Variants in IGSF11 observed in about 807,000 individuals in gnomAD.
IGSF11 encodes the protein CXADR like 1.
IGSF11 carries 22 observed loss-of-function variants against 41.0 expected under a neutral mutation model. The ratio of observed to expected loss-of-function variants is 0.54; its 90% CI spans 0.38 to 0.77. The LOEUF (loss-of-function observed/expected upper bound fraction) is 0.77, where lower values mean the gene tolerates loss of function less well. IGSF11 is among the 30% of genes least tolerant of loss of function. IGSF11 has a pLI of 0.00. For missense variants in IGSF11, 444 were observed against 530.8 expected (o/e 0.84, Z 1.61); for synonymous variants, 219 against 201.3 (o/e 1.09, Z -0.74).
At chr3:119,105,323 T>A, upstream of IGSF11, 2 of 603,286 alleles carry the variant, frequency 3.3e-6, no homozygotes, top group South Asian at 2.3e-5. Flanking sequence ...GTACAGGATT[T>A]GGAGCCATAA....
intron 1 of IGSF11, among the ~76,000 whole-genome samples, chr3:119,129,470 A>G (rs1208439961): frequency 1.3e-5 from 2 of 152,174 alleles, no homozygotes; most frequent in East Asian, 1.9e-4. Context: ...CCATTTGAAA[A>G]TAATAATTTT....
At chr3:119,084,537 C>A (rs1559858369) in intron 1 of IGSF11, among the ~76,000 whole-genome samples, 1 of 152,146 alleles carries the variant, frequency 6.6e-6, no homozygotes, top group Admixed American at 6.5e-5. Flanking sequence ...AAGCACCCAC[C>A]CCCACTGCAG....
At chr3:119,096,634 C>T (rs1315395495) in intron 1 of IGSF11, among the ~76,000 whole-genome samples, 2 of 152,162 alleles carry the variant, frequency 1.3e-5, no homozygotes, top group African/African-American at 4.8e-5. Flanking sequence ...TAACTCTCTA[C>T]CCGATGCTGT....
intron 1 of IGSF11, among the ~76,000 whole-genome samples, chr3:118,961,357 CATACA>C (rs1945319588): frequency 6.6e-6 from 1 of 152,210 alleles, no homozygotes; most frequent in South Asian, 2.1e-4. Context: ...CAGGCTCTTT[CATACA>C]TCCCCACCAT....
intron 1 of IGSF11, among the ~76,000 whole-genome samples, chr3:119,030,348 T>A (rs2107732729): frequency 6.6e-6 from 1 of 152,318 alleles, no homozygotes. Flanking sequence ...TGTACCTATA[T>A]AATATCTGAT....
At position 118,909,995 on chromosome 3, in the gene IGSF11, T is replaced by G. The variant is rs142186030; in HGVS notation, c.581-4277A>C. 3.4e-3 allele frequency among the ~76,000 whole-genome samples: 515 copies of G among 152,292 alleles called. 3 individuals are homozygous for G. The highest frequency in any genetic ancestry group is 0.011 in the African/African-American group (461 of 41,564). On this transcript the variant is annotated intron_variant, in intron 4 of 6. Coordinates refer to ENST00000393775, the MANE Select transcript of IGSF11 (RefSeq NM_001015887.3). ...TTTCTTTGCAAGAATGATTCATCAT[T>G]AGCAACATACAAGAAGGCCATGACC...
chr3:119,116,529 C>T (rs955967548), intron 1 of IGSF11, among the ~76,000 whole-genome samples: 4 of 152,156 alleles, frequency 2.6e-5, no homozygotes, highest in African/African-American at 9.7e-5. Context: ...AAGCTAACCC[C>T]CATCTTGCCT....
chr3:119,048,324 C>T (rs1161550672), intron 1 of IGSF11, among the ~76,000 whole-genome samples: 3 of 151,682 alleles, frequency 2.0e-5, no homozygotes, highest in East Asian at 1.9e-4. Context: ...ATATCACCAC[C>T]GATCCCACAG....
chr3:118,933,366 G>A (rs899943351), intron 1 of IGSF11, among the ~76,000 whole-genome samples: 10 of 151,864 alleles, frequency 6.6e-5, no homozygotes, highest in South Asian at 4.2e-4. Flanking sequence ...AGTACCAGAC[G>A]CTGAGGATGA....
intron 1 of IGSF11, among the ~76,000 whole-genome samples, chr3:119,123,385 GACA>G (rs1403108327): frequency 6.6e-6 from 1 of 152,200 alleles, no homozygotes; most frequent in Non-Finnish European, 1.5e-5. Flanking sequence ...CTGGTTCCTG[GACA>G]ACATCTCTGG....
At chr3:119,114,436 C>T (rs149957628) in intron 1 of IGSF11, among the ~76,000 whole-genome samples, 167 of 152,360 alleles carry the variant, frequency 1.1e-3, no homozygotes, top group African/African-American at 3.3e-3. Context: ...TTCCGCCAGA[C>T]GCCCTAAATC....
chr3:118,939,599 A>G (rs1943529262), intron 1 of IGSF11, among the ~76,000 whole-genome samples: 1 of 152,120 alleles, frequency 6.6e-6, no homozygotes, highest in Non-Finnish European at 1.5e-5. Flanking sequence ...TCACTTCTAA[A>G]TAATTCACAG....
intron 1 of IGSF11, among the ~76,000 whole-genome samples, chr3:118,958,647 C>T (rs745854556): frequency 6.6e-6 from 1 of 152,106 alleles, no homozygotes; most frequent in Non-Finnish European, 1.5e-5. Flanking sequence ...GTTTCCACCA[C>T]TAGAATGAAT....
At chr3:118,906,296 G>A (rs755497398) in intron 4 of IGSF11, among the ~76,000 whole-genome samples, 1 of 152,160 alleles carries the variant, frequency 6.6e-6, no homozygotes, top group Admixed American at 6.5e-5. Flanking sequence ...AGAAGGCAGG[G>A]AGAGCCTCAG....
intron 1 of IGSF11, among the ~76,000 whole-genome samples, chr3:119,048,175 C>T (rs141209831): frequency 2.0e-5 from 3 of 152,234 alleles, no homozygotes; most frequent in South Asian, 4.2e-4. Flanking sequence ...AATAGTGACA[C>T]ACAAAACGCT....
chr3:119,078,534 T>G (rs1373013467), intron 1 of IGSF11, among the ~76,000 whole-genome samples: 1 of 152,194 alleles, frequency 6.6e-6, no homozygotes, highest in Non-Finnish European at 1.5e-5. Context: ...TGAAGCTGGA[T>G]GCATTCCTTT....
At chr3:119,102,371 C>T (rs186748215) in intron 1 of IGSF11, among the ~76,000 whole-genome samples, 1 of 152,292 alleles carries the variant, frequency 6.6e-6, no homozygotes, top group African/African-American at 2.4e-5. Flanking sequence ...TGTTTCCTAG[C>T]ATTGATTGCT....
At chr3:119,046,226 AAAG>A (rs1042325317) in intron 1 of IGSF11, among the ~76,000 whole-genome samples, 9 of 148,578 alleles carry the variant, frequency 6.1e-5, no homozygotes, top group African/African-American at 2.2e-4. Flanking sequence ...AACCAAAGGC[AAAG>A]AAGTTGAAAA....
At chr3:119,104,822 C>T (rs967406117) in intron 1 of IGSF11, among the ~76,000 whole-genome samples, 1 of 152,066 alleles carries the variant, frequency 6.6e-6, no homozygotes, top group African/African-American at 2.4e-5. Flanking sequence ...ATACTTCTCC[C>T]ATCATAGCTC....
Sources: gnomAD v4.1 joint callset for allele counts (sites outside exome capture counted in the v4.1 genomes callset) on GRCh38, gnomAD v4.1.1 for gene constraint, MANE v1.5 for transcripts, NCBI Gene and HGNC (gene_info 2026-07-23, HGNC 2026-07-21) for gene names.